Variants in FREM3 observed in about 807,000 individuals in gnomAD.
FREM3 encodes FRAS1-related extracellular matrix protein 3.
In FREM3, 105 loss-of-function variants were observed where a neutral mutation model predicts 129.1. The ratio of observed to expected loss-of-function variants is 0.81; its 90% CI spans 0.69 to 0.96. The LOEUF (loss-of-function observed/expected upper bound fraction) is 0.96, where lower values mean the gene tolerates loss of function less well. Among genes scored for constraint, FREM3 ranks in the 40% least tolerant of loss-of-function variants. The pLI, the probability that FREM3 is intolerant of heterozygous loss-of-function variation, is 0.00. For synonymous variants in FREM3, 1,014 were observed against 1,044.9 expected (o/e 0.97, Z 0.57); for missense variants, 2,593 against 2,666.3 (o/e 0.97, Z 0.61).
chr4:143,620,919 G>C, intron 5 of FREM3, 118 bp downstream of exon 5: 1 of 995,986 alleles, frequency 1.0e-6, no homozygotes. Context: ...ACAATGAGGG[G>C]CCCAGGCATC....
intron 7 of FREM3, among the ~76,000 whole-genome samples, chr4:143,581,024 C>A (rs921162979): frequency 3.9e-5 from 6 of 152,288 alleles, no homozygotes; most frequent in African/African-American, 1.4e-4. Context: ...GCAGTGCCAC[C>A]ATTTTTGCTG....
chr4:143,694,164 C>A (rs999388161), intron 1 of FREM3, among the ~76,000 whole-genome samples: 7 of 152,150 alleles, frequency 4.6e-5, no homozygotes, highest in Non-Finnish European at 1.0e-4. Flanking sequence ...AGTTAAGAAA[C>A]CCTGACTTTG....
At chr4:143,610,955 G>A (rs1241240353) in intron 6 of FREM3, among the ~76,000 whole-genome samples, 1 of 152,100 alleles carries the variant, frequency 6.6e-6, no homozygotes, top group Non-Finnish European at 1.5e-5. Flanking sequence ...GGTCCTCTTG[G>A]GGGTAGTCCT....
chr4:143,579,509 G>C (rs527389588), intron 7 of FREM3, among the ~76,000 whole-genome samples: 1 of 152,308 alleles, frequency 6.6e-6, no homozygotes, highest in Admixed American at 6.5e-5. Flanking sequence ...GAGAGTAATG[G>C]ATAAGGTTTT....
intron 2 of FREM3, among the ~76,000 whole-genome samples, chr4:143,685,944 G>A (rs1377695591): frequency 6.6e-6 from 1 of 152,124 alleles, no homozygotes; most frequent in African/African-American, 2.4e-5. Context: ...CCAAACCATG[G>A]CATGTGTATA....
intron 2 of FREM3, among the ~76,000 whole-genome samples, chr4:143,657,017 A>G (rs1311063377): frequency 6.6e-6 from 1 of 151,012 alleles, no homozygotes; most frequent in Non-Finnish European, 1.5e-5. Context: ...CGCTCTTTGC[A>G]TCAATGGCAT....
rs1156975665 is a variant in FREM3, at chr4:143,648,043, G to A, written c.5276-20283C>T. Among the ~76,000 whole-genome samples, 3 of 152,200 alleles carry A rather than the reference G, an allele frequency of 2.0e-5. No individual in the cohort carries two copies. The East Asian group carries it at 5.8e-4, about 29-fold the overall frequency. On this transcript the variant is annotated intron_variant, in intron 2 of 7. Transcript: ENST00000329798. Reference sequence around the variant, plus strand: ...CAGCGCAGAGCTGTTCAAGGCCATGGGAGCCCACCTCGTGCATCAGCATGA... The same window carrying A: ...CAGCGCAGAGCTGTTCAAGGCCATGAGAGCCCACCTCGTGCATCAGCATGA...
chr4:143,650,927 T>C (rs532658980), intron 2 of FREM3, among the ~76,000 whole-genome samples: 1 of 152,344 alleles, frequency 6.6e-6, no homozygotes, highest in Admixed American at 6.5e-5. Context: ...TGACTTCTCA[T>C]CTTCAATGAA....
chr4:143,665,624 A>C (rs1739845296), intron 2 of FREM3, among the ~76,000 whole-genome samples: 1 of 152,134 alleles, frequency 6.6e-6, no homozygotes, highest in African/African-American at 2.4e-5. Flanking sequence ...GTATTTTCTC[A>C]TTATAAAACA....
intron 7 of FREM3, among the ~76,000 whole-genome samples, chr4:143,582,407 T>C (rs1738162659): frequency 1.3e-5 from 2 of 151,766 alleles, no homozygotes; most frequent in African/African-American, 2.4e-5. Context: ...AAACCAAAAA[T>C]ACTTTGCATA....
rs1432050704 is a variant in FREM3 at position 143,698,534 on chromosome 4, A to T, written c.2142T>A (p.Thr714=). 2.0e-6 allele frequency: 3 copies of T among 1,537,532 alleles called. No individual in the cohort carries two copies. In the African/African-American group the frequency reaches 4.1e-5, roughly 21 times the overall value. ...AGTGAGTGAGTTGGTATTCTTGTAC[A>T]GTCATTTCTAGTGTAGTTCCTGGAT... The part of the protein sequence containing the change: ...QLYPGTTLEM[T]VQEYQLTHFQ... Residue 714 remains threonine (T), a synonymous_variant, in exon 1 of 8, where the codon ACT becomes ACA. Transcript: ENST00000329798.
Position 143,696,450 on chromosome 4 carries a change from G to T in FREM3, c.4226C>A (p.Thr1409Asn), listed in dbSNP as rs936660709. 19 of 1,537,700 alleles carry T rather than the reference G, an allele frequency of 1.2e-5. No homozygotes were observed. The highest frequency in any genetic ancestry group is 1.7e-5 in the Non-Finnish European group (19 of 1,147,016). Reference sequence around the variant, plus strand: ...GACATAGAAGTAGTGGTCTGTCAAAGTGTTAACCCCATCAGTAACATCAAA... The same window carrying T: ...GACATAGAAGTAGTGGTCTGTCAAATTGTTAACCCCATCAGTAACATCAAA... ...IKFDVTDGVN[T>N]LTDHYFYVTI... Residue 1409 changes from threonine (T) to asparagine (N), a missense_variant, in exon 1 of 8, where the codon ACT (threonine) becomes AAT (asparagine). Coordinates refer to ENST00000329798, the MANE Select transcript of FREM3 (RefSeq NM_001168235.2).
intron 2 of FREM3, among the ~76,000 whole-genome samples, chr4:143,657,024 G>A (rs184892095): frequency 6.7e-6 from 1 of 149,728 alleles, no homozygotes; most frequent in African/African-American, 2.5e-5. Context: ...TGCATCAATG[G>A]CATGAGAAAA....
intron 2 of FREM3, among the ~76,000 whole-genome samples, chr4:143,633,485 G>A (rs1578843617): frequency 6.6e-6 from 1 of 152,116 alleles, no homozygotes; most frequent in African/African-American, 2.4e-5. Context: ...TCTTCTAAGT[G>A]TTGAGGATAG....
intron 2 of FREM3, among the ~76,000 whole-genome samples, chr4:143,655,171 C>A (rs1172503293): frequency 6.6e-6 from 1 of 152,154 alleles, no homozygotes; most frequent in African/African-American, 2.4e-5. Context: ...CACCAGTGTA[C>A]TCCTCCTTAG....
In FREM3 at chr4:143,577,757, G is replaced by A. The variant is rs1479975780; in HGVS notation, c.6274C>T (p.Gln2092Ter). 2.6e-5 allele frequency: 40 copies of A among 1,537,218 alleles called. No homozygotes were observed. The highest frequency in any genetic ancestry group is 3.3e-5 in the Non-Finnish European group (38 of 1,146,938). The change falls in exon 8 of 8, where the codon CAG becomes TAG. Residue 2092 changes from glutamine to a stop codon, truncating the protein, a stop_gained. Transcript: ENST00000329798. LOFTEE classifies it low-confidence loss of function (END_TRUNC). Reference protein sequence around the residue: ...FQVTILDDLGQPTLEGPEKFE... With the variant: ...FQVTILDDLG ...TTCTCTGGGCCTTCCAAGGTAGGCT[G>A]TCCCAGGTCATCAAGGATGGTCACT...
In FREM3 at chr4:143,697,707, T is replaced by C. The variant is rs1740602549; in HGVS notation, c.2969A>G (p.Asp990Gly). Reference sequence around the variant, plus strand: ...CAGAATAGTGCCCAGTTTGGGGCTGTCCTTTACAATGAAAGACAGCATCAA... The same window carrying C: ...CAGAATAGTGCCCAGTTTGGGGCTGCCCTTTACAATGAAAGACAGCATCAA... ...GDLMLSFIVK[D>G]SPKLGTILVN... Residue 990 changes from aspartate to glycine, a missense_variant, in exon 1 of 8, where the codon GAC becomes GGC. Transcript: ENST00000329798. The C allele has an allele frequency of 1.3e-6, 2 of 1,537,652 alleles. No homozygotes were observed. The highest frequency in any genetic ancestry group is 2.0e-5 in the Admixed American group (1 of 50,992).
At chr4:143,637,114 A>C (rs558992961) in intron 2 of FREM3, among the ~76,000 whole-genome samples, 13 of 152,310 alleles carry the variant, frequency 8.5e-5, no homozygotes, top group African/African-American at 3.1e-4. Flanking sequence ...TGGAAACAAT[A>C]CCTTTACTTA....
chr4:143,678,157 T>C lies in FREM3; in HGVS notation c.5275+14956A>G, dbSNP rs545607706. On this transcript the variant is annotated intron_variant, in intron 2 of 7. Coordinates refer to ENST00000329798, the MANE Select transcript of FREM3 (RefSeq NM_001168235.2). ...AACCAATGCCAATGTCCAACAATGATAGACTGGATTAAGAAAATGTGGCAC... is the reference window on the plus strand; with the variant it reads ...AACCAATGCCAATGTCCAACAATGACAGACTGGATTAAGAAAATGTGGCAC... Among the ~76,000 whole-genome samples, 253 of 152,222 alleles carry C rather than the reference T, an allele frequency of 1.7e-3. 1 individual carries two copies. Among genetic ancestry groups the C allele is most frequent in the African/African-American group, 5.7e-3 (236 of 41,530 alleles).
Sources: allele counts gnomAD v4.1 joint callset (sites outside exome capture counted in the v4.1 genomes callset), GRCh38; gene constraint gnomAD v4.1.1; transcripts MANE v1.5; gene names NCBI Gene and HGNC (gene_info 2026-07-23, HGNC 2026-07-21).